KAZN: variants seen among roughly 807,000 people sequenced by gnomAD.
The protein encoded by KAZN is kazrin.
KAZN carries 40 observed loss-of-function variants against 87.4 expected under a neutral mutation model. The observed-to-expected ratio is 0.46, with a 90% CI of 0.36 to 0.60. The LOEUF is 0.60. Ranked by LOEUF, KAZN falls within the 20% of genes least tolerant of loss-of-function variation. The probability of loss-of-function intolerance (pLI) is 0.00; values close to 1 mark genes in which losing one functional copy is unlikely to be tolerated. For missense variants in KAZN, 898 were observed against 1,073.9 expected (o/e 0.84, Z 2.29); for synonymous variants, 466 against 458.3 (o/e 1.02, Z -0.22).
intron 8 of KAZN, among the ~76,000 whole-genome samples, chr1:15,072,148 G>A (rs1193742102): frequency 1.3e-5 from 2 of 152,096 alleles, no homozygotes; most frequent in South Asian, 2.1e-4. Context: ...CTGTAAAATG[G>A]GTGTAATTAC....
intron 1 of KAZN, among the ~76,000 whole-genome samples, chr1:14,084,955 T>C (rs114601339): frequency 6.6e-6 from 1 of 152,254 alleles, no homozygotes; most frequent in Non-Finnish European, 1.5e-5. Flanking sequence ...TGTACATGCA[T>C]GTATGAGTGT....
At chr1:14,512,569 A>AAAGGCATACC (rs111879410) in intron 2 of KAZN, among the ~76,000 whole-genome samples, 23,367 of 150,850 alleles carry the variant, frequency 0.15, 3,031 homozygotes, top group African/African-American at 0.35. Context: ...CTGACTCAAG[A>AAAGGCATACC]AAGCACCAAC....
chr1:14,999,506 CCGCCCCGCCAT>C (rs144577928), intron 2 of KAZN, among the ~76,000 whole-genome samples: 1 of 138,148 alleles, frequency 7.2e-6, no homozygotes, highest in African/African-American at 3.5e-5. Flanking sequence ...CCCCCTCCCC[CCGCCCCGCCAT>C]CCAGACCTTG....
chr1:14,850,265 T>C (rs995716576), intron 1 of KAZN, among the ~76,000 whole-genome samples: 1 of 152,284 alleles, frequency 6.6e-6, no homozygotes. Flanking sequence ...TGAGAAAGCA[T>C]GCTTCTGATT....
intron 1 of KAZN, among the ~76,000 whole-genome samples, chr1:14,799,201 G>A (rs529188019): frequency 3.9e-5 from 6 of 152,272 alleles, no homozygotes; most frequent in Admixed American, 2.6e-4. Flanking sequence ...CCTGTTTAAG[G>A]CCCCCTCTTA....
chr1:14,827,463 C>T (rs564099215), intron 1 of KAZN, among the ~76,000 whole-genome samples: 28 of 152,238 alleles, frequency 1.8e-4, no homozygotes, highest in Non-Finnish European at 3.7e-4. Context: ...TAGGCCTTTG[C>T]GTCCTCGTAG....
At chr1:14,401,221 A>G (rs1663380968) in intron 2 of KAZN, among the ~76,000 whole-genome samples, 1 of 152,206 alleles carries the variant, frequency 6.6e-6, no homozygotes, top group Admixed American at 6.5e-5. Context: ...AGAATATTCC[A>G]AGTAGAAAAG....
intron 1 of KAZN, among the ~76,000 whole-genome samples, chr1:13,995,219 C>CAAAAAAAAAAAAAAAAAAAAAAAA (rs113600200): frequency 5.6e-5 from 6 of 107,372 alleles, no homozygotes; most frequent in Middle Eastern, 6.1e-3. Context: ...TGCAATAAGG[C>CAAAAAAAAAAAAAAAAAAAAAAAA]AAAAAAAAAA....
At chr1:14,479,302 C>T (rs1369508227) in intron 2 of KAZN, among the ~76,000 whole-genome samples, 1 of 152,148 alleles carries the variant, frequency 6.6e-6, no homozygotes, top group Non-Finnish European at 1.5e-5. Context: ...GACACAGACC[C>T]CTAGAGACAC....
rs138480404 is a variant in KAZN at position 14,076,570 on chromosome 1, C to G, written c.92-103865C>G. Among the ~76,000 whole-genome samples the G allele has an allele frequency of 1.5e-3, 223 of 152,214 alleles. 1 individual carries two copies. Among genetic ancestry groups the G allele is most frequent in the African/African-American group, 4.9e-3 (202 of 41,524 alleles). ...TCTGTGGTACTTGGTTAGGAGAACC[C>G]TAGCAAACTAGTTCACATTTCTAGT... On this transcript the variant is annotated intron_variant, in intron 1 of 16. Coordinates refer to the KAZN transcript ENST00000636203.
chr1:14,553,127 C>T (rs1673642855), intron 2 of KAZN, among the ~76,000 whole-genome samples: 1 of 152,170 alleles, frequency 6.6e-6, no homozygotes, highest in South Asian at 2.1e-4. Context: ...GTAGTCCTAA[C>T]ATTTTGGGAA....
intron 1 of KAZN, among the ~76,000 whole-genome samples, chr1:13,979,062 C>T (rs1158957857): frequency 6.6e-6 from 1 of 151,496 alleles, no homozygotes; most frequent in East Asian, 1.9e-4. Flanking sequence ...CACCACTATA[C>T]TCCAGCCTTG....
intron 1 of KAZN, among the ~76,000 whole-genome samples, chr1:14,927,292 C>T (rs1013653914): frequency 6.6e-6 from 1 of 152,164 alleles, no homozygotes; most frequent in Non-Finnish European, 1.5e-5. Flanking sequence ...ATTTCTTGAG[C>T]ATCTGCTCCG....
In KAZN at chr1:15,096,661, G is replaced by A. The variant is rs1640819156; in HGVS notation, c.1547+1728G>A. On this transcript the variant is annotated intron_variant, in intron 10 of 14. Transcript: ENST00000376030. The surrounding 1 kb of genome is among the most constrained non-coding windows in gnomAD (Gnocchi z 4.5). ...CGGGATGCCAGCATGGTTGGGACCT[G>A]GGGAGGGCTCTCTTCCTGGCTTGCA... Among the ~76,000 whole-genome samples the A allele has an allele frequency of 6.6e-6, 1 of 152,228 alleles. No individual in the cohort carries two copies.
chr1:14,649,045 T>C (rs1052314482), intron 1 of KAZN, among the ~76,000 whole-genome samples: 2 of 152,230 alleles, frequency 1.3e-5, no homozygotes, highest in African/African-American at 4.8e-5. Flanking sequence ...CTTGGAACAA[T>C]GAAGTGTGCC....
chr1:14,471,162 G>T (rs973264276), intron 2 of KAZN, among the ~76,000 whole-genome samples: 1 of 152,142 alleles, frequency 6.6e-6, no homozygotes, highest in African/African-American at 2.4e-5. Flanking sequence ...CAGAAACTGA[G>T]AAATCATAAA....
exon 1 of KAZN, chr1:13,893,386 G>A (rs1570195742): frequency 3.0e-6 from 1 of 332,640 alleles, no homozygotes; most frequent in East Asian, 5.8e-5. Context: ...CCTGGTTAGG[G>A]GGAAACTTAG....
chr1:14,751,018 G>T (rs940287701), intron 1 of KAZN, among the ~76,000 whole-genome samples: 1 of 152,220 alleles, frequency 6.6e-6, no homozygotes, highest in South Asian at 2.1e-4. Flanking sequence ...ACGTGGCGAC[G>T]TCATTTATAA....
intron 1 of KAZN, chr1:14,692,521 G>T (rs887356146): frequency 1.2e-5 from 2 of 172,994 alleles, no homozygotes; most frequent in Non-Finnish European, 2.5e-5. Flanking sequence ...TATGGGTCTC[G>T]TGGTGTTATT....
Sources: gnomAD v4.1 joint callset for allele counts (sites outside exome capture counted in the v4.1 genomes callset) on GRCh38, gnomAD v4.1.1 for gene constraint, Gnocchi (gnomAD v3.1) non-coding constraint, MANE v1.5 for transcripts, NCBI Gene and HGNC (gene_info 2026-07-23, HGNC 2026-07-21) for gene names.